Variants in SRBD1 observed in about 807,000 individuals in gnomAD.
SRBD1 encodes the protein S1 RNA-binding domain-containing protein 1.
SRBD1 carries 88 observed loss-of-function variants against 115.3 expected under a neutral mutation model. That is an observed-to-expected ratio of 0.76 (90% CI 0.64 to 0.91). The LOEUF (loss-of-function observed/expected upper bound fraction) is 0.91. SRBD1 is among the 40% of genes least tolerant of loss of function. The pLI is 0.00. For synonymous variants in SRBD1, 509 were observed against 407.7 expected (o/e 1.25, Z -2.99); for missense variants, 1,385 against 1,177.4 (o/e 1.18, Z -2.58).
At chr2:45,414,429 CAT>C (rs970250410) in intron 18 of SRBD1, among the ~76,000 whole-genome samples, 1 of 151,498 alleles carries the variant, frequency 6.6e-6, no homozygotes, top group African/African-American at 2.4e-5. Context: ...CACATATATA[CAT>C]ATACACTATA....
intron 14 of SRBD1, among the ~76,000 whole-genome samples, chr2:45,508,980 TG>T (rs1670878967): frequency 6.6e-6 from 1 of 152,026 alleles, no homozygotes; most frequent in Non-Finnish European, 1.5e-5. Flanking sequence ...CACGGTGAGT[TG>T]GGAGGTGGGG....
intron 10 of SRBD1, among the ~76,000 whole-genome samples, chr2:45,560,270 C>CT (rs1672619926): frequency 1.3e-5 from 2 of 152,192 alleles, no homozygotes; most frequent in South Asian, 4.1e-4. Context: ...AATTCCTTGA[C>CT]ATTTACTTAG....
chr2:45,426,975 G>C (rs530686502), intron 16 of SRBD1, among the ~76,000 whole-genome samples: 6 of 152,130 alleles, frequency 3.9e-5, no homozygotes, highest in Non-Finnish European at 5.9e-5. Flanking sequence ...GCCAGCAAGG[G>C]AATAAAACTG....
intron 10 of SRBD1, 87 bp from the exon 11 acceptor site, chr2:45,553,817 C>A (rs1672382987): frequency 3.9e-6 from 3 of 773,974 alleles, no homozygotes; most frequent in Non-Finnish European, 6.0e-6. Context: ...AGATGGAATA[C>A]AGAAGCGGGG....
At chr2:45,494,992 T>C (rs149160352) in intron 14 of SRBD1, among the ~76,000 whole-genome samples, 184 of 152,112 alleles carry the variant, frequency 1.2e-3, no homozygotes, top group African/African-American at 4.2e-3. Context: ...ACAACTCTAG[T>C]AGTGGTACAG....
intron 1 of SRBD1, among the ~76,000 whole-genome samples, chr2:45,610,899 G>C (rs1674426675): frequency 6.7e-6 from 1 of 150,056 alleles, no homozygotes; most frequent in South Asian, 2.1e-4. Flanking sequence ...CTACACTCCA[G>C]CCTGGGCGAC....
intron 14 of SRBD1, among the ~76,000 whole-genome samples, chr2:45,519,649 T>G (rs1192590755): frequency 1.3e-5 from 2 of 152,200 alleles, no homozygotes; most frequent in Non-Finnish European, 2.9e-5. Context: ...GAAAATTTTG[T>G]CCCTTCTTCT....
chr2:45,419,864 T>C lies in SRBD1; in HGVS notation c.2080A>G (p.Thr694Ala). 2 of 1,613,650 alleles carry C rather than the reference T, an allele frequency of 1.2e-6. No homozygotes were observed. Among genetic ancestry groups the C allele is most frequent in the South Asian group, 2.2e-5 (2 of 91,086 alleles). Reference protein sequence around the residue: ...HDVSQTLLKATLDSVVEECVS... With the variant: ...HDVSQTLLKAALDSVVEECVS... ...CATTCTTCTACAACACTGTCCAGTG[T>C]TGCCTTGAGTAAAGTCTGGGATACG... is the stretch of plus-strand genomic sequence containing the variant. The change falls in exon 17 of 21, where the codon ACA (threonine) becomes GCA (alanine). Residue 694 changes from threonine (T) to alanine (A), a missense_variant. By Grantham distance (58) the Thr-to-Ala change is moderately conservative. Coordinates refer to ENST00000263736, the MANE Select transcript of SRBD1 (RefSeq NM_018079.5).
At chr2:45,594,004 T>C (rs1484228351) in intron 4 of SRBD1, among the ~76,000 whole-genome samples, 1 of 152,234 alleles carries the variant, frequency 6.6e-6, no homozygotes, top group East Asian at 1.9e-4. Flanking sequence ...ATATTCTGTA[T>C]GTTATACTTC....
At position 45,497,024 on chromosome 2, in the gene SRBD1, C is replaced by A. The variant is rs184695403; in HGVS notation, c.1875-8693G>T. ...GAAAGAATGAGTTGCTCAGTTCAGC[C>A]GGCTGCTTCTTAATCTAGAGTCAGA... On this transcript the variant is annotated intron_variant, in intron 14 of 20. Transcript: ENST00000263736. Among the ~76,000 whole-genome samples, 68 of 152,238 alleles carry A rather than the reference C, an allele frequency of 4.5e-4. 1 individual carries two copies. The highest frequency in any genetic ancestry group is 2.9e-3 in the Admixed American group (45 of 15,304).
At chr2:45,528,003 G>T (rs1435171662) in intron 14 of SRBD1, among the ~76,000 whole-genome samples, 3 of 151,832 alleles carry the variant, frequency 2.0e-5, no homozygotes, top group African/African-American at 7.2e-5. Flanking sequence ...GAGAGATTTA[G>T]CTGAGGCAAT....
chr2:45,563,295 T>C (rs903842373), intron 9 of SRBD1, among the ~76,000 whole-genome samples: 1 of 152,036 alleles, frequency 6.6e-6, no homozygotes, highest in African/African-American at 2.4e-5. Context: ...AACTAACTTG[T>C]TGCAAATCAC....
At chr2:45,576,160 A>G (rs1673170872) in intron 7 of SRBD1, among the ~76,000 whole-genome samples, 2 of 152,114 alleles carry the variant, frequency 1.3e-5, no homozygotes, top group South Asian at 4.1e-4. Flanking sequence ...AGCCTATTCA[A>G]TGTGATGATG....
intron 4 of SRBD1, among the ~76,000 whole-genome samples, chr2:45,591,976 C>T (rs1673739794): frequency 6.6e-6 from 1 of 152,120 alleles, no homozygotes; most frequent in Admixed American, 6.5e-5. Flanking sequence ...CCAGAATTCC[C>T]ACGTGTTGTA....
At chr2:45,553,507 T>C (rs774129899) in intron 11 of SRBD1, 116 bp downstream of exon 11, 7 of 572,834 alleles carry the variant, frequency 1.2e-5, no homozygotes, top group African/African-American at 3.8e-5. Flanking sequence ...TTTGTGATGC[T>C]GACTAAATTC....
chr2:45,423,789 C>G (rs1045066608), intron 16 of SRBD1, among the ~76,000 whole-genome samples: 2 of 152,064 alleles, frequency 1.3e-5, no homozygotes, highest in South Asian at 4.1e-4. Context: ...GTTCAAAAAT[C>G]CTCAACAAAA....
In SRBD1 at chr2:45,581,609, A is replaced by C. The variant is rs1378539652; in HGVS notation, c.933+84T>G. On this transcript the variant is annotated intron_variant, in intron 6 of 20. Transcript: ENST00000263736. ...TGGTGGCTAATGACGTTAGCTTTTT[A>C]TTTCTTGGTGTTCTTTAATCATAAG... 5.3e-6 allele frequency: 5 copies of C among 951,498 alleles called. No individual in the cohort carries two copies. In the African/African-American group the frequency reaches 8.3e-5, roughly 16 times the overall value. 58.9% of individuals were successfully genotyped at this position (951,498 alleles called of 1,614,324 possible). A position where few individuals can be genotyped will look rare whatever the true frequency, so the allele number is the denominator to read the frequency against.
At chr2:45,472,594 T>C (rs1037572834) in intron 16 of SRBD1, among the ~76,000 whole-genome samples, 2 of 152,202 alleles carry the variant, frequency 1.3e-5, no homozygotes, top group African/African-American at 4.8e-5. Flanking sequence ...AATGATCTCC[T>C]GCCTCAGTGT....
At chr2:45,432,123 A>G (rs35423713) in intron 16 of SRBD1, among the ~76,000 whole-genome samples, 9,097 of 151,928 alleles carry the variant, frequency 0.06, 423 homozygotes, top group African/African-American at 0.11. Flanking sequence ...TCCGCCTCCC[A>G]GGTTCAAGTG....
Sources: gnomAD v4.1 joint callset for allele counts (sites outside exome capture counted in the v4.1 genomes callset) on GRCh38, gnomAD v4.1.1 for gene constraint, MANE v1.5 for transcripts, NCBI Gene and HGNC (gene_info 2026-07-23, HGNC 2026-07-21) for gene names.